The following ADAR variants were observed in gnomAD, a reference collection of about 807,000 sequenced individuals.
The protein encoded by ADAR is double-stranded RNA-specific adenosine deaminase.
A neutral mutation model predicts 113.2 loss-of-function variants in ADAR; 41 were observed. The ratio of observed to expected loss-of-function variants is 0.36; its 90% CI spans 0.28 to 0.47. The LOEUF is 0.47. Ranked by LOEUF, ADAR falls within the 20% of genes least tolerant of loss-of-function variation. The pLI is 1.00. For synonymous variants in ADAR, 605 were observed against 572.6 expected (o/e 1.06, Z -0.81); for missense variants, 1,242 against 1,540.9 (o/e 0.81, Z 3.25).
intron 5 of ADAR, 54 bp from the exon 6 acceptor site, chr1:154,597,049 G>A: frequency 2.5e-6 from 4 of 1,613,934 alleles, no homozygotes; most frequent in Non-Finnish European, 2.5e-6. Flanking sequence ...GAAATGTTGA[G>A]GGAGTCACTG....
At chr1:154,605,733 C>T (rs1173892238) in intron 1 of ADAR, among the ~76,000 whole-genome samples, 1 of 152,084 alleles carries the variant, frequency 6.6e-6, no homozygotes, top group Non-Finnish European at 1.5e-5. Flanking sequence ...CTTGCTGCAC[C>T]CTCACGCCCA....
In ADAR at chr1:154,597,153, C is replaced by T. The variant is rs1446007483; in HGVS notation, c.2049G>A (p.Glu683=). 6.2e-7 allele frequency: 1 copy of T among 1,614,200 alleles called. No homozygotes were observed. The highest frequency in any genetic ancestry group is 1.1e-5 in the South Asian group (1 of 91,084). Residue 683 remains glutamate, a synonymous_variant, in exon 5 of 15, where the codon GAG becomes GAA. Coordinates refer to ENST00000368474, the MANE Select transcript of ADAR (RefSeq NM_001111.5). The part of the protein sequence containing the change: ...AEEAMKALHG[E]ATNSMASDNQ... ...TATCAGAAGCCATGGAGTTGGTCGC[C>T]TCCCCATGCAGGGCCTTCATGGCTT...
chr1:154,595,607 C>G (rs947066802), intron 6 of ADAR, among the ~76,000 whole-genome samples: 2 of 151,448 alleles, frequency 1.3e-5, no homozygotes, highest in East Asian at 3.9e-4. Context: ...GTGTTTTAAG[C>G]TAAGTATTAT....
At chr1:154,610,456 T>C (rs1485313210), upstream of ADAR, among the ~76,000 whole-genome samples, 1 of 152,224 alleles carries the variant, frequency 6.6e-6, no homozygotes, top group East Asian at 1.9e-4. Context: ...GTATACTATA[T>C]GATCCCACTT....
At chr1:154,587,277 G>C (rs1696824671) in intron 11 of ADAR, among the ~76,000 whole-genome samples, 1 of 152,084 alleles carries the variant, frequency 6.6e-6, no homozygotes, top group Non-Finnish European at 1.5e-5. Context: ...TTTTCATTTG[G>C]CATCAAGTTT....
Position 154,584,759 on chromosome 1 carries a change from T to C in ADAR, c.*47A>G. ...TGAGGAATGCTACGACCTACCTCTC[T>C]CACACCCTAGTATGACACACCCTAA... On this transcript the variant is annotated 3_prime_UTR_variant, in exon 15 of 15. Coordinates refer to ENST00000368474, the MANE Select transcript of ADAR (RefSeq NM_001111.5). 6.7e-7 allele frequency: 1 copy of C among 1,503,694 alleles called. No homozygotes were observed. The highest frequency in any genetic ancestry group is 9.2e-7 in the Non-Finnish European group (1 of 1,081,130). 93.1% of individuals were successfully genotyped at this position (1,503,694 alleles called of 1,614,324 possible). A position where few individuals can be genotyped will look rare whatever the true frequency, so the allele number is the denominator to read the frequency against.
At chr1:154,605,941 T>C in intron 1 of ADAR, 3 of 924,240 alleles carry the variant, frequency 3.2e-6, no homozygotes, top group Non-Finnish European at 3.9e-6. Flanking sequence ...CTGGAAAATA[T>C]TTTAATGTCT....
intron 9 of ADAR, among the ~76,000 whole-genome samples, chr1:154,589,116 T>G (rs760828942): frequency 6.6e-6 from 1 of 152,214 alleles, no homozygotes; most frequent in Admixed American, 6.5e-5. Context: ...GAAAAGAACA[T>G]GAAGCAGCAG....
At chr1:154,587,403 A>C (rs1428955364) in intron 11 of ADAR, among the ~76,000 whole-genome samples, 1 of 152,168 alleles carries the variant, frequency 6.6e-6, no homozygotes, top group Non-Finnish European at 1.5e-5. Flanking sequence ...CAGCTGATGG[A>C]CGTCTGGGTT....
intron 2 of ADAR, chr1:154,600,381 G>C (rs766826635): frequency 6.8e-6 from 1 of 147,884 alleles, no homozygotes; most frequent in Non-Finnish European, 1.5e-5. Context: ...GGCTGGTCTC[G>C]AATTCCTCAC....
At position 154,602,334 on chromosome 1, in the gene ADAR, C is replaced by T; in HGVS notation, c.308G>A (p.Gly103Glu). 1.2e-6 allele frequency: 2 copies of T among 1,611,520 alleles called. No homozygotes were observed. Among genetic ancestry groups the T allele is most frequent in the South Asian group, 2.2e-5 (2 of 90,678 alleles). Reference sequence around the variant, plus strand: ...AGGATGCTGGAACCCTCTCTGGAGCCCCTGACTTCTGAGATGCACGCCCCT... The same window carrying T: ...AGGATGCTGGAACCCTCTCTGGAGCTCCTGACTTCTGAGATGCACGCCCCT... Reference protein sequence around the residue: ...VPRGVHLRSQGLQRGFQHPSP... With the variant: ...VPRGVHLRSQELQRGFQHPSP... The change falls in exon 2 of 15, where the codon GGG becomes GAG. Residue 103 changes from glycine (G) to glutamate (E), a missense_variant. Physicochemically the swap from Gly to Glu is moderately conservative, Grantham distance 98. This residue lies in a region of ADAR where 462 missense variants were observed against 483.1 expected (regional missense o/e 0.96). Coordinates refer to ENST00000368474, the MANE Select transcript of ADAR (RefSeq NM_001111.5).
chr1:154,625,908 G>A (rs1698919503), intron 1 of ADAR, among the ~76,000 whole-genome samples: 1 of 151,482 alleles, frequency 6.6e-6, no homozygotes, highest in African/African-American at 2.4e-5. Context: ...GGAGGCTGAG[G>A]AGGGAGACTC....
chr1:154,607,594 A>G (rs752442420), intron 1 of ADAR, among the ~76,000 whole-genome samples: 57 of 152,194 alleles, frequency 3.7e-4, no homozygotes, highest in Non-Finnish European at 7.2e-4. Flanking sequence ...ACATGGGCTC[A>G]GGCCTTCCTA....
intron 6 of ADAR, among the ~76,000 whole-genome samples, chr1:154,590,687 T>C (rs940103699): frequency 1.3e-5 from 2 of 151,948 alleles, no homozygotes; most frequent in African/African-American, 4.8e-5. Context: ...TCCCAGCAAC[T>C]TGAGGAGCTA....
At chr1:154,603,755 G>A (rs1698026521) in intron 1 of ADAR, among the ~76,000 whole-genome samples, 1 of 152,026 alleles carries the variant, frequency 6.6e-6, no homozygotes. Flanking sequence ...CTTTCCCTGG[G>A]GCTTGTAGAC....
chr1:154,601,545 T>C lies in ADAR; in HGVS notation c.1097A>G (p.Lys366Arg), dbSNP rs770795921. The C allele has an allele frequency of 8.7e-6, 14 of 1,612,980 alleles. No individual in the cohort carries two copies. The highest frequency in any genetic ancestry group is 4.5e-5 in the East Asian group (2 of 44,902). The change falls in exon 2 of 15, where the codon AAG (lysine) becomes AGG (arginine). Residue 366 changes from lysine to arginine, a missense_variant. Around this residue, in one of 2 missense-constraint regions of ADAR, gnomAD observed 462 missense variants for 483.1 expected, o/e 0.96. Transcript: ENST00000368474. The surrounding 1 kb of genome is among the most constrained non-coding windows in gnomAD (Gnocchi z 4.7). Reference protein sequence around the residue: ...TDKKRERMQIKRNTNSVPETA... With the variant: ...TDKKRERMQIRRNTNSVPETA... Reference sequence around the variant, plus strand: ...TTCAGGAACACTGTTCGTATTTCTCTTGATTTGCATCCTCTCTCGCTTCTT... The same window carrying C: ...TTCAGGAACACTGTTCGTATTTCTCCTGATTTGCATCCTCTCTCGCTTCTT...
In ADAR at chr1:154,600,687, T is replaced by G. The variant is rs571771172; in HGVS notation, c.1601+354A>C. 1.4e-4 allele frequency: 46 copies of G among 331,558 alleles called. No individual in the cohort carries two copies. The East Asian group carries it at 3.1e-3, about 22-fold the overall frequency. The allele number at this position is 331,558 out of a possible 1,614,324, so 20.5% of individuals were successfully genotyped here. ...CAGGGTTTCACCATGTTGGCCAGGC[T>G]GGTCTCAAACTCCTGACCTCGTGAT... On this transcript the variant is annotated intron_variant, in intron 2 of 14. Transcript: ENST00000368474.
chr1:154,585,708 G>C (rs1557864184), intron 13 of ADAR, 45 bp downstream of exon 13: 2 of 1,516,586 alleles, frequency 1.3e-6, no homozygotes, highest in East Asian at 4.5e-5. Context: ...ATGACTGCTT[G>C]AAAAGGAGGA....
At chr1:154,622,159 C>T (rs552225556) in intron 1 of ADAR, among the ~76,000 whole-genome samples, 2 of 152,214 alleles carry the variant, frequency 1.3e-5, no homozygotes, top group East Asian at 1.9e-4. Context: ...CCACTGATTC[C>T]CCACCTGGCT....
Sources: allele counts gnomAD v4.1 joint callset (sites outside exome capture counted in the v4.1 genomes callset), GRCh38; gene constraint gnomAD v4.1.1; regional missense constraint gnomAD v4.1.1; non-coding constraint Gnocchi (gnomAD v3.1); transcripts MANE v1.5; gene names NCBI Gene and HGNC (gene_info 2026-07-23, HGNC 2026-07-21).